Variants in TRIM35 observed in about 807,000 individuals in gnomAD.
TRIM35 encodes tripartite motif containing 35.
In TRIM35, 37 loss-of-function variants were observed where a neutral mutation model predicts 49.1. That is an observed-to-expected ratio of 0.75 (90% CI 0.58 to 0.99). The LOEUF is 0.99. TRIM35 is among the 50% of genes least tolerant of loss of function. The pLI, the probability that TRIM35 is intolerant of heterozygous loss-of-function variation, is 0.00. For synonymous variants in TRIM35, 302 were observed against 289.3 expected, an observed-to-expected ratio of 1.04 and a Z score of -0.45; for missense variants, 648 against 702.7, an observed-to-expected ratio of 0.92 and a Z score of 0.88.
At chr8:27,302,118 C>T (rs77514365) in intron 1 of TRIM35, among the ~76,000 whole-genome samples, 7,462 of 152,154 alleles carry the variant, frequency 0.049, 588 homozygotes, top group African/African-American at 0.17. Context: ...AATGTCTTGG[C>T]AATTTTTGGC....
At chr8:27,307,913 T>G (rs1040083121) in intron 1 of TRIM35, among the ~76,000 whole-genome samples, 5 of 152,228 alleles carry the variant, frequency 3.3e-5, no homozygotes, top group African/African-American at 1.2e-4. Flanking sequence ...AAAGGGACTG[T>G]GCAGATGATT....
At chr8:27,291,712 A>C (rs1348008397) in intron 3 of TRIM35, among the ~76,000 whole-genome samples, 1 of 152,348 alleles carries the variant, frequency 6.6e-6, no homozygotes, top group East Asian at 1.9e-4. Context: ...GGTAATTTAT[A>C]AACAATAGTT....
At chr8:27,307,677 A>C (rs1418738030) in intron 1 of TRIM35, among the ~76,000 whole-genome samples, 1 of 152,210 alleles carries the variant, frequency 6.6e-6, no homozygotes, top group Non-Finnish European at 1.5e-5. Context: ...CTGAAGTCTG[A>C]GATGAGAGAA....
chr8:27,310,686 G>T, intron 1 of TRIM35, 115 bp downstream of exon 1: 1 of 1,236,202 alleles, frequency 8.1e-7, no homozygotes, highest in Non-Finnish European at 1.1e-6. Context: ...TGCATGCTGG[G>T]AGCGAGACGC....
chr8:27,310,695 G>T, intron 1 of TRIM35, 106 bp downstream of exon 1: 1 of 1,292,738 alleles, frequency 7.7e-7, no homozygotes, highest in Non-Finnish European at 1.1e-6. Flanking sequence ...GGAGCGAGAC[G>T]CGGGCACACT....
At position 27,287,905 on chromosome 8, in the gene TRIM35, C is replaced by A. The variant is rs770736526; in HGVS notation, c.1127G>T (p.Arg376Leu). 6.2e-7 allele frequency: 1 copy of A among 1,613,090 alleles called. No individual in the cohort carries two copies. ...GTGGCCCTCAGCGCCCGAGTCCTGG[C>A]GCACACGTACCACGCCCACCCTCCA... The part of the protein sequence containing the change: ...QSWRVGVVRV[R>L]QDSGAEGHSH... Residue 376 changes from arginine (R) to leucine (L), a missense_variant, in exon 6 of 6, where the codon CGC (arginine) becomes CTC (leucine). By Grantham distance (102) the Arg-to-Leu change is moderately radical (BLOSUM62 -2). Transcript: ENST00000305364. The surrounding 1 kb of genome is among the most constrained non-coding windows in gnomAD (Gnocchi z 6.0).
chr8:27,288,186 G>T, intron 5 of TRIM35, 59 bp from the exon 6 acceptor site: 2 of 1,491,512 alleles, frequency 1.3e-6, no homozygotes, highest in Non-Finnish European at 1.8e-6. Context: ...GGCCACACGT[G>T]GATATCTCCA....
intron 1 of TRIM35, among the ~76,000 whole-genome samples, chr8:27,300,424 A>G (rs1027239467): frequency 7.9e-5 from 12 of 151,454 alleles, no homozygotes; most frequent in African/African-American, 2.7e-4. Context: ...GAACTAGCCC[A>G]CAGAACCCTG....
chr8:27,300,791 T>A (rs1315968628), intron 1 of TRIM35, among the ~76,000 whole-genome samples: 1 of 152,270 alleles, frequency 6.6e-6, no homozygotes, highest in African/African-American at 2.4e-5. Flanking sequence ...CACTGAAATG[T>A]CATTCCAATG....
At chr8:27,288,251 G>A in intron 5 of TRIM35, 124 bp from the exon 6 acceptor site, 1 of 950,688 alleles carries the variant, frequency 1.1e-6, no homozygotes. Flanking sequence ...GCAAGGAGTG[G>A]CCCAGGGCTG....
intron 1 of TRIM35, among the ~76,000 whole-genome samples, chr8:27,308,295 T>A (rs1802829277): frequency 6.6e-6 from 1 of 152,254 alleles, no homozygotes; most frequent in African/African-American, 2.4e-5. Flanking sequence ...TTTGTTGACG[T>A]GTGAACACTG....
chr8:27,308,840 T>G (rs1030742731), intron 1 of TRIM35, among the ~76,000 whole-genome samples: 3 of 152,170 alleles, frequency 2.0e-5, no homozygotes, highest in African/African-American at 7.2e-5. Context: ...CCCCAGCTGC[T>G]GTTCACAGCA....
intron 1 of TRIM35, among the ~76,000 whole-genome samples, chr8:27,301,776 T>G (rs149311735): frequency 3.0e-4 from 45 of 152,364 alleles, no homozygotes; most frequent in African/African-American, 1.0e-3. Flanking sequence ...CCTCAAAGCT[T>G]TATAGCTTTG....
chr8:27,310,774 C>T, intron 1 of TRIM35, 27 bp downstream of exon 1: 1 of 1,544,824 alleles, frequency 6.5e-7, no homozygotes, highest in African/African-American at 1.4e-5. Flanking sequence ...CCCGGCTCGG[C>T]CGCCTCGTGC....
chr8:27,303,378 C>A (rs1802717972), intron 1 of TRIM35, among the ~76,000 whole-genome samples: 1 of 151,834 alleles, frequency 6.6e-6, no homozygotes, highest in African/African-American at 2.4e-5. Context: ...TTTTTTATTC[C>A]ATTTTCCCCT....
intron 2 of TRIM35, among the ~76,000 whole-genome samples, chr8:27,297,718 A>C (rs922326842): frequency 2.0e-5 from 3 of 152,236 alleles, no homozygotes; most frequent in African/African-American, 7.2e-5. Context: ...CTTCTTTAAG[A>C]GAACATCTGA....
In TRIM35 at chr8:27,294,104, C is replaced by T. The variant is rs1802513142; in HGVS notation, c.738G>A (p.Lys246=). 6.2e-7 allele frequency: 1 copy of T among 1,614,154 alleles called. No individual in the cohort carries two copies. Among genetic ancestry groups the T allele is most frequent in the South Asian group, 1.1e-5 (1 of 91,074 alleles). Residue 246 remains lysine, a synonymous_variant, in exon 3 of 6, where the codon AAG becomes AAA. Coordinates refer to ENST00000305364, the MANE Select transcript of TRIM35 (RefSeq NM_171982.5). ...HEIERLQMEM[K]EDDVSFLMKH... ...CCATGAGAAAAGAAACGTCGTCCTCCTTCATCTCCATCTGCAGCCGCTCGA... is the reference window on the plus strand; with the variant it reads ...CCATGAGAAAAGAAACGTCGTCCTCTTTCATCTCCATCTGCAGCCGCTCGA...
At position 27,310,005 on chromosome 8, in the gene TRIM35, A is replaced by T. The variant is rs537407467; in HGVS notation, c.435+796T>A. On this transcript the variant is annotated intron_variant, in intron 1 of 5. Transcript: ENST00000305364. ...CTCAAAAAAAAAAAAAAACAAAGGGAAGTAACAGAAAATATCAGAGTGCCA... is the reference window on the plus strand; with the variant it reads ...CTCAAAAAAAAAAAAAAACAAAGGGTAGTAACAGAAAATATCAGAGTGCCA... Among the ~76,000 whole-genome samples, 7 of 151,532 alleles carry T rather than the reference A, an allele frequency of 4.6e-5. No homozygotes were observed. The East Asian group carries it at 1.4e-3, about 29-fold the overall frequency.
chr8:27,308,692 A>G (rs1373093661), intron 1 of TRIM35, among the ~76,000 whole-genome samples: 1 of 152,184 alleles, frequency 6.6e-6, no homozygotes, highest in African/African-American at 2.4e-5. Flanking sequence ...TGTCTAGTAA[A>G]TGAGTGATTT....
Sources: allele counts gnomAD v4.1 joint callset (sites outside exome capture counted in the v4.1 genomes callset), GRCh38; gene constraint gnomAD v4.1.1; non-coding constraint Gnocchi (gnomAD v3.1); transcripts MANE v1.5; gene names NCBI Gene and HGNC (gene_info 2026-07-23, HGNC 2026-07-21).